Variants in CRYBG1 observed in about 807,000 individuals in gnomAD.
The protein encoded by CRYBG1 is crystallin beta-gamma domain containing 1, also known as beta/gamma crystallin domain-containing protein 1.
In CRYBG1, 139 loss-of-function variants were observed where a neutral mutation model predicts 189.2. That is an observed-to-expected ratio of 0.73 (90% confidence interval 0.64 to 0.85). The LOEUF is 0.85. Among genes scored for constraint, CRYBG1 ranks in the 40% least tolerant of loss-of-function variants. The pLI is 0.00. For synonymous variants in CRYBG1, 1,023 were observed against 1,017.1 expected, an observed-to-expected ratio of 1.01 and a Z score of -0.11; for missense variants, 2,611 against 2,675.8, an observed-to-expected ratio of 0.98 and a Z score of 0.53.
intron 18 of CRYBG1, 23 bp from the exon 19 acceptor site, chr6:106,560,780 A>T: frequency 1.3e-6 from 2 of 1,594,446 alleles, no homozygotes; most frequent in South Asian, 2.3e-5. Flanking sequence ...ATTGCCACTT[A>T]CTGTGGTTAT....
intron 2 of CRYBG1, among the ~76,000 whole-genome samples, chr6:106,484,577 C>T (rs1381517617): frequency 3.3e-5 from 5 of 152,224 alleles, no homozygotes; most frequent in Non-Finnish European, 5.9e-5. Flanking sequence ...GCCTTAGCCT[C>T]CCAAAGTCTG....
intron 1 of CRYBG1, among the ~76,000 whole-genome samples, chr6:106,429,058 C>T (rs982066283): frequency 6.6e-6 from 1 of 152,194 alleles, no homozygotes; most frequent in Non-Finnish European, 1.5e-5. Flanking sequence ...TTTTAGACTC[C>T]TTGAAATGGA....
In CRYBG1 at chr6:106,400,156, A is replaced by AAG. The variant is rs1554232159; in HGVS notation, c.173+39085_173+39086dup. On this transcript the variant is annotated intron_variant, in intron 1 of 21. Coordinates refer to ENST00000633556, the MANE Select transcript of CRYBG1 (RefSeq NM_001371242.2). ...CATCTCAAAAAAAAAAAAAAAAAAA[A>AAG]AGAGAGAGAGAAAAGGTCTCCCCAT... Among the ~76,000 whole-genome samples, 588 of 143,908 alleles carry AAG rather than the reference A, an allele frequency of 4.1e-3. 12 individuals carry two copies. Among genetic ancestry groups the AAG allele is most frequent in the Non-Finnish European group, 5.3e-3 (349 of 65,814 alleles). 94.4% of individuals were successfully genotyped at this position (143,908 alleles called of 152,430 possible).
intron 2 of CRYBG1, among the ~76,000 whole-genome samples, chr6:106,487,596 A>G (rs1005710257): frequency 6.6e-6 from 1 of 152,092 alleles, no homozygotes; most frequent in African/African-American, 2.4e-5. Flanking sequence ...AGCCACGTTT[A>G]CTGTATTTTT....
intron 16 of CRYBG1, among the ~76,000 whole-genome samples, chr6:106,555,481 G>A (rs567791935): frequency 2.0e-5 from 3 of 152,116 alleles, no homozygotes; most frequent in South Asian, 4.1e-4. Flanking sequence ...CTGGGCAAAC[G>A]GTGGCACCCA....
intron 1 of CRYBG1, among the ~76,000 whole-genome samples, chr6:106,419,395 G>A (rs1206276900): frequency 3.3e-5 from 5 of 152,248 alleles, no homozygotes; most frequent in Admixed American, 3.3e-4. Flanking sequence ...TTGCTTGTTG[G>A]TTTTTGAGAC....
chr6:106,434,154 G>GAA (rs1771407555), intron 1 of CRYBG1, among the ~76,000 whole-genome samples: 3 of 25,872 alleles, frequency 1.2e-4, no homozygotes, highest in Non-Finnish European at 6.1e-5. Context: ...CAGAGAGAAA[G>GAA]AGAGAGAGAG....
At chr6:106,397,496 CT>C (rs1312029066) in intron 1 of CRYBG1, among the ~76,000 whole-genome samples, 3 of 152,244 alleles carry the variant, frequency 2.0e-5, no homozygotes, top group Middle Eastern at 3.4e-3. Context: ...AGGTTAGGAG[CT>C]TTATGGGTTG....
At chr6:106,549,507 G>A (rs1274841742) in intron 13 of CRYBG1, among the ~76,000 whole-genome samples, 1 of 152,136 alleles carries the variant, frequency 6.6e-6, no homozygotes, top group African/African-American at 2.4e-5. Flanking sequence ...AGGAGGCTGA[G>A]GTGGGTGGAT....
intron 10 of CRYBG1, among the ~76,000 whole-genome samples, chr6:106,541,893 T>TCAA (rs1256942345): frequency 7.2e-5 from 11 of 152,148 alleles, no homozygotes; most frequent in African/African-American, 2.7e-4. Flanking sequence ...TTATATTGAG[T>TCAA]TAACAATTTG....
chr6:106,493,616 A>T (rs1343199206), intron 2 of CRYBG1, among the ~76,000 whole-genome samples: 1 of 152,248 alleles, frequency 6.6e-6, no homozygotes. Flanking sequence ...TAAATGGATA[A>T]AGAATATGTG....
Position 106,555,829 on chromosome 6 carries a change from T to C in CRYBG1, c.5647T>C (p.Tyr1883His). The C allele has an allele frequency of 6.2e-7, 1 of 1,614,188 alleles. No homozygotes were observed. The highest frequency in any genetic ancestry group is 2.2e-5 in the East Asian group (1 of 44,886). The change falls in exon 17 of 22, where the codon TAT (tyrosine) becomes CAT (histidine). Residue 1883 changes from tyrosine (Y) to histidine (H), a missense_variant. Physicochemically the swap from Tyr to His is moderately conservative, Grantham distance 83. Coordinates refer to ENST00000633556, the MANE Select transcript of CRYBG1 (RefSeq NM_001371242.2). ...GNQYVLEEGH[Y>H]PCLSAMGCPP... is the part of the protein sequence containing the mutation. ...TCAATACGTGTTGGAAGAAGGCCAT[T>C]ATCCTTGTCTGTCTGCAATGGGATG...
chr6:106,473,748 C>G (rs1019871148), intron 2 of CRYBG1, among the ~76,000 whole-genome samples: 3 of 152,208 alleles, frequency 2.0e-5, no homozygotes, highest in Non-Finnish European at 4.4e-5. Flanking sequence ...CAACTCTAAA[C>G]TATGAGGATA....
chr6:106,490,673 C>A (rs1209233893), intron 2 of CRYBG1, among the ~76,000 whole-genome samples: 4 of 152,120 alleles, frequency 2.6e-5, no homozygotes, highest in Non-Finnish European at 5.9e-5. Context: ...TTTAGCCCCA[C>A]CTCTGTGCAT....
chr6:106,425,865 G>A (rs1174962138), intron 1 of CRYBG1, among the ~76,000 whole-genome samples: 4 of 151,930 alleles, frequency 2.6e-5, no homozygotes, highest in African/African-American at 9.7e-5. Flanking sequence ...CTTGAACTCC[G>A]GACCTCAGGT....
chr6:106,543,307 G>T, intron 10 of CRYBG1, 133 bp from the exon 11 acceptor site: 1 of 819,964 alleles, frequency 1.2e-6, no homozygotes. Flanking sequence ...TGGGATAACA[G>T]GCGTGAGCCA....
chr6:106,438,548 A>T (rs1041432517), intron 1 of CRYBG1, among the ~76,000 whole-genome samples: 10 of 152,124 alleles, frequency 6.6e-5, no homozygotes, highest in African/African-American at 1.7e-4. Flanking sequence ...GCGTCACTCC[A>T]GTCTCCTCCT....
At chr6:106,492,665 A>G (rs373491265) in intron 2 of CRYBG1, among the ~76,000 whole-genome samples, 5 of 152,314 alleles carry the variant, frequency 3.3e-5, no homozygotes, top group East Asian at 3.9e-4. Context: ...CCATCCATAT[A>G]TGGTAGTTAT....
chr6:106,396,956 A>C (rs1582740076), intron 1 of CRYBG1, among the ~76,000 whole-genome samples: 1 of 152,240 alleles, frequency 6.6e-6, no homozygotes, highest in African/African-American at 2.4e-5. Flanking sequence ...CTGGGATTAC[A>C]GGCATGAGCC....
Sources: allele counts gnomAD v4.1 joint callset (sites outside exome capture counted in the v4.1 genomes callset), GRCh38; gene constraint gnomAD v4.1.1; transcripts MANE v1.5; gene names NCBI Gene and HGNC (gene_info 2026-07-23, HGNC 2026-07-21).